GRK4: variants seen among roughly 807,000 people sequenced by gnomAD.
GRK4 encodes G protein-coupled receptor kinase 4, also known as G protein-coupled receptor kinase 2-like.
Under a neutral mutation model 77.9 loss-of-function variants are expected in GRK4, and 73 were observed. That is an observed-to-expected ratio of 0.94 (90% confidence interval 0.78 to 1.14). GRK4 has a LOEUF of 1.14. Among genes scored for constraint, GRK4 ranks in the 50% most tolerant of loss-of-function variants. GRK4 has a pLI of 0.00. For missense variants in GRK4, 729 were observed against 700.2 expected, an observed-to-expected ratio of 1.04 and a Z score of -0.46; for synonymous variants, 257 against 254.4, an observed-to-expected ratio of 1.01 and a Z score of -0.10.
chr4:2,988,909 G>C (rs1219981607), intron 3 of GRK4, 70 bp downstream of exon 3: 2 of 969,292 alleles, frequency 2.1e-6, no homozygotes, highest in African/African-American at 3.2e-5. Context: ...AACTTGGCCA[G>C]GCGCAGTAGC....
intron 15 of GRK4, among the ~76,000 whole-genome samples, chr4:3,039,483 A>G (rs975409366): frequency 2.0e-5 from 3 of 152,198 alleles, no homozygotes; most frequent in South Asian, 2.1e-4. Flanking sequence ...GGATCACCTG[A>G]GGTCAGGAGT....
intron 14 of GRK4, among the ~76,000 whole-genome samples, chr4:3,037,998 C>G (rs1423341806): frequency 6.6e-6 from 1 of 151,976 alleles, no homozygotes; most frequent in African/African-American, 2.4e-5. Context: ...ATATCAGCAG[C>G]TGTCCAGAAG....
At chr4:2,974,613 T>C (rs544506732) in intron 1 of GRK4, among the ~76,000 whole-genome samples, 1 of 152,226 alleles carries the variant, frequency 6.6e-6, no homozygotes, top group Non-Finnish European at 1.5e-5. Context: ...GCTCAGGTAA[T>C]GTGGAGGATC....
intron 11 of GRK4, 75 bp from the exon 12 acceptor site, chr4:3,029,126 T>C: frequency 2.7e-6 from 3 of 1,130,806 alleles, no homozygotes; most frequent in Non-Finnish European, 3.9e-6. Context: ...GAATGTATAC[T>C]GTGTTACTGG....
chr4:3,001,369 A>ATATAT (rs1271643822), intron 4 of GRK4, among the ~76,000 whole-genome samples: 2 of 76,940 alleles, frequency 2.6e-5, no homozygotes, highest in African/African-American at 1.3e-4. Flanking sequence ...ATATATATAT[A>ATATAT]TTTTTTTTTT....
chr4:3,012,853 T>C (rs1733298606), intron 7 of GRK4, among the ~76,000 whole-genome samples: 1 of 152,188 alleles, frequency 6.6e-6, no homozygotes, highest in Non-Finnish European at 1.5e-5. Context: ...ATCAAGAATC[T>C]TTTTAGGCCA....
intron 12 of GRK4, among the ~76,000 whole-genome samples, chr4:3,030,419 C>T (rs1306748669): frequency 6.6e-6 from 1 of 152,000 alleles, no homozygotes; most frequent in Non-Finnish European, 1.5e-5. Flanking sequence ...TTTTTTAGCA[C>T]ATTTTTTTTT....
chr4:2,992,206 T>C lies in GRK4; in HGVS notation c.262-9T>C. ...ACTGTTCTTTCTTTTCTTCCATCTC[T>C]CCAATCAGGCAGAATATGAAGTTGC... On this transcript the variant is annotated splice_polypyrimidine_tract_variant and intron_variant, in intron 3 of 15. Coordinates refer to ENST00000398052, the MANE Select transcript of GRK4 (RefSeq NM_182982.3). 1.3e-6 allele frequency: 2 copies of C among 1,598,784 alleles called. No individual in the cohort carries two copies. The highest frequency in any genetic ancestry group is 1.7e-6 in the Non-Finnish European group (2 of 1,166,500).
chr4:3,018,704 C>G (rs1041967584), intron 8 of GRK4, among the ~76,000 whole-genome samples: 1 of 152,076 alleles, frequency 6.6e-6, no homozygotes, highest in African/African-American at 2.4e-5. Flanking sequence ...ATGGTGAAAC[C>G]TCATCTCTAC....
chr4:3,018,400 G>A (rs1219132780), intron 8 of GRK4, among the ~76,000 whole-genome samples: 3 of 152,134 alleles, frequency 2.0e-5, no homozygotes, highest in Non-Finnish European at 4.4e-5. Flanking sequence ...CCGGTGAGGT[G>A]GTGTGCACCT....
chr4:3,022,364 C>T (rs771561981), intron 9 of GRK4, 50 bp from the exon 10 acceptor site: 1 of 1,590,630 alleles, frequency 6.3e-7, no homozygotes, highest in East Asian at 2.2e-5. Context: ...ACTCAGGAAT[C>T]ACAGTGCCAA....
At chr4:2,979,098 G>A (rs1002800845) in intron 1 of GRK4, among the ~76,000 whole-genome samples, 10 of 151,962 alleles carry the variant, frequency 6.6e-5, no homozygotes, top group East Asian at 1.9e-4. Context: ...GGTGATGGGC[G>A]CCTATAGTCC....
At chr4:3,028,089 G>A (rs1415228512) in intron 11 of GRK4, 88 bp downstream of exon 11, 21 of 1,155,776 alleles carry the variant, frequency 1.8e-5, no homozygotes, top group Admixed American at 3.4e-5. Flanking sequence ...TGAATGGACC[G>A]GGGCCTCGGT....
chr4:3,040,458 A>G, intron 15 of GRK4, 114 bp from the exon 16 acceptor site: 2 of 695,330 alleles, frequency 2.9e-6, no homozygotes, highest in Non-Finnish European at 2.4e-6. Context: ...AAATAAATAA[A>G]TAAAAAATAA....
rs755609795 is a variant in GRK4 at position 2,963,995 on chromosome 4, G to C, written c.-76G>C. 4.4e-5 allele frequency: 59 copies of C among 1,330,272 alleles called. No individual in the cohort carries two copies. Among genetic ancestry groups the C allele is most frequent in the Non-Finnish European group, 4.3e-6 (4 of 939,546 alleles). The allele number at this position is 1,330,272 out of a possible 1,614,324, so 82.4% of individuals were successfully genotyped here. A position where few individuals can be genotyped will look rare whatever the true frequency, so the allele number is the denominator to read the frequency against. The stretch of plus-strand genomic sequence containing the variant: ...TGCCCGGCGAGCTATGCACGGGGGC[G>C]GCGGCGTCTCCTCCTGTTCCGCCTC... On this transcript the variant is annotated 5_prime_UTR_variant, in exon 1 of 16. Coordinates refer to ENST00000398052, the MANE Select transcript of GRK4 (RefSeq NM_182982.3).
intron 4 of GRK4, among the ~76,000 whole-genome samples, chr4:2,996,936 T>A (rs1728121672): frequency 6.6e-6 from 1 of 152,166 alleles, no homozygotes; most frequent in Non-Finnish European, 1.5e-5. Flanking sequence ...AGGGAACCCC[T>A]AGGCTAGGTG....
chr4:3,036,385 T>A (rs1008210), intron 13 of GRK4, among the ~76,000 whole-genome samples: 1 of 152,054 alleles, frequency 6.6e-6, no homozygotes, highest in Non-Finnish European at 1.5e-5. Context: ...ACCTTGAGGG[T>A]ATGAATGAGT....
At chr4:2,988,611 G>A (rs2051556) in intron 2 of GRK4, 116 bp from the exon 3 acceptor site, 8 of 604,626 alleles carry the variant, frequency 1.3e-5, no homozygotes, top group Non-Finnish European at 2.1e-5. Context: ...AAAATAATAC[G>A]GCAAATACTG....
chr4:2,965,203 A>G (rs983522854), intron 1 of GRK4: 1 of 690,772 alleles, frequency 1.4e-6, no homozygotes, highest in African/African-American at 1.8e-5. Context: ...GTACCTTAAC[A>G]TAAATATCCT....
Sources: gnomAD v4.1 joint callset for allele counts (sites outside exome capture counted in the v4.1 genomes callset) on GRCh38, gnomAD v4.1.1 for gene constraint, MANE v1.5 for transcripts, NCBI Gene and HGNC (gene_info 2026-07-23, HGNC 2026-07-21) for gene names.